The following CMIP variants were observed in gnomAD, a reference collection of about 807,000 sequenced individuals.
CMIP encodes c-Maf inducing protein, also known as C-Maf-inducing protein.
Under a neutral mutation model 97.3 loss-of-function variants are expected in CMIP, and 13 were observed. The ratio of observed to expected loss-of-function variants is 0.13; its 90% CI spans 0.09 to 0.21. The LOEUF (loss-of-function observed/expected upper bound fraction) is 0.21, where lower values mean the gene tolerates loss of function less well. Ranked by LOEUF, CMIP falls within the 10% of genes least tolerant of loss-of-function variation. The probability of loss-of-function intolerance (pLI) is 1.00; values close to 1 mark genes in which losing one functional copy is unlikely to be tolerated. For synonymous variants in CMIP, 538 were observed against 436.3 expected, an observed-to-expected ratio of 1.23 and a Z score of -2.91; for missense variants, 847 against 1,024.9, an observed-to-expected ratio of 0.83 and a Z score of 2.37.
At chr16:81,589,555 A>G (rs2091435324) in intron 1 of CMIP, among the ~76,000 whole-genome samples, 1 of 149,442 alleles carries the variant, frequency 6.7e-6, no homozygotes, top group African/African-American at 2.5e-5. Flanking sequence ...CATGGCAGCC[A>G]GCCTGGCCCA....
chr16:81,478,034 A>AT (rs1908034636), intron 1 of CMIP, among the ~76,000 whole-genome samples: 1 of 152,152 alleles, frequency 6.6e-6, no homozygotes, highest in Non-Finnish European at 1.5e-5. Flanking sequence ...CCACAGCAGG[A>AT]TTTTTATTAT....
chr16:81,471,310 C>G (rs764069157), intron 1 of CMIP, among the ~76,000 whole-genome samples: 5 of 151,988 alleles, frequency 3.3e-5, no homozygotes, highest in Non-Finnish European at 7.4e-5. Context: ...ATAAATGTAC[C>G]CACACGCACA....
chr16:81,603,045 G>A (rs1245310452), intron 1 of CMIP, among the ~76,000 whole-genome samples: 1 of 152,168 alleles, frequency 6.6e-6, no homozygotes, highest in East Asian at 1.9e-4. Context: ...TTCCTGCCCA[G>A]TGATAGCACT....
At chr16:81,446,846 C>G (rs889069484) in intron 1 of CMIP, among the ~76,000 whole-genome samples, 1 of 124,698 alleles carries the variant, frequency 8.0e-6, no homozygotes, top group Admixed American at 9.0e-5. Flanking sequence ...TGAACCAGTC[C>G]CCCACCCCCC....
chr16:81,639,883 T>TA (rs1333853659), intron 3 of CMIP, among the ~76,000 whole-genome samples: 12 of 152,146 alleles, frequency 7.9e-5, no homozygotes, highest in Non-Finnish European at 1.5e-4. Flanking sequence ...CCCTGCCTGA[T>TA]AGAGTCATTT....
intron 5 of CMIP, among the ~76,000 whole-genome samples, chr16:81,658,880 C>T (rs538454882): frequency 1.3e-5 from 2 of 152,214 alleles, no homozygotes; most frequent in Non-Finnish European, 2.9e-5. Context: ...CGAATCAGGG[C>T]CTTGGGGGAC....
chr16:81,554,179 T>C (rs549599179), intron 1 of CMIP, among the ~76,000 whole-genome samples: 17 of 152,332 alleles, frequency 1.1e-4, no homozygotes, highest in African/African-American at 3.8e-4. Flanking sequence ...GCCTGATAAA[T>C]GTATGTTGAG....
intron 7 of CMIP, among the ~76,000 whole-genome samples, chr16:81,669,009 C>G: frequency 6.7e-6 from 1 of 148,738 alleles, no homozygotes; most frequent in South Asian, 2.2e-4. Context: ...CCTTCCACAC[C>G]CACCTCACAC....
chr16:81,691,781 C>T lies in CMIP; in HGVS notation c.1395C>T (p.Asp465=). Residue 465 remains aspartate (D), a synonymous_variant, in exon 11 of 21, where the codon GAC becomes GAT. Coordinates refer to ENST00000537098, the MANE Select transcript of CMIP (RefSeq NM_198390.3). ...TCACCCTCTCTCATTCTAGGTCAGA[C>T]TATGATGACTGGAGACCGTCTCTGG... ...CYVEILKLLS[D]YDDWRPSLAS... The T allele has an allele frequency of 5.6e-6, 9 of 1,613,774 alleles. No individual in the cohort carries two copies. Among genetic ancestry groups the T allele is most frequent in the Non-Finnish European group, 7.6e-6 (9 of 1,179,718 alleles).
intron 3 of CMIP, among the ~76,000 whole-genome samples, chr16:81,634,310 A>G (rs1300387068): frequency 2.6e-5 from 4 of 152,098 alleles, no homozygotes. Flanking sequence ...TGGGTTTTAT[A>G]TCTCCATTGT....
chr16:81,555,486 C>T (rs1405208597), intron 1 of CMIP, among the ~76,000 whole-genome samples: 1 of 152,220 alleles, frequency 6.6e-6, no homozygotes, highest in African/African-American at 2.4e-5. Flanking sequence ...CTACAGGATG[C>T]ACACAGACTC....
At chr16:81,485,867 T>G (rs2089306126) in intron 1 of CMIP, among the ~76,000 whole-genome samples, 1 of 152,212 alleles carries the variant, frequency 6.6e-6, no homozygotes, top group African/African-American at 2.4e-5. Flanking sequence ...TGGCACCACG[T>G]GGCCTGCTTG....
At chr16:81,651,478 G>T in intron 3 of CMIP, 2 of 641,958 alleles carry the variant, frequency 3.1e-6, no homozygotes, top group Non-Finnish European at 3.9e-6. Context: ...GGCAGCGCTG[G>T]ATTTCCCGGG....
intron 1 of CMIP, among the ~76,000 whole-genome samples, chr16:81,474,194 G>C (rs111761972): frequency 6.6e-6 from 1 of 152,082 alleles, no homozygotes; most frequent in African/African-American, 2.4e-5. Context: ...GAGCTTGTGG[G>C]CGTGGACTTT....
At chr16:81,553,361 A>G (rs543763110) in intron 1 of CMIP, among the ~76,000 whole-genome samples, 2 of 152,284 alleles carry the variant, frequency 1.3e-5, no homozygotes, top group Admixed American at 6.5e-5. Flanking sequence ...CGTATTTGCA[A>G]AAGCAACAAA....
In CMIP at chr16:81,693,079, C is replaced by G. The variant is rs993663011; in HGVS notation, c.1455-79C>G. The G allele has an allele frequency of 2.8e-5, 29 of 1,048,760 alleles. No individual in the cohort carries two copies. The Admixed American group carries it at 4.9e-4, about 18-fold the overall frequency. 65.0% of individuals were successfully genotyped at this position (1,048,760 alleles called of 1,614,324 possible). A position where few individuals can be genotyped will look rare whatever the true frequency, so the allele number is the denominator to read the frequency against. ...AATCAGACATAAAGTCTAGACGTCC[C>G]CAGAGGTTAATCTTGGGAACATTGT... is the stretch of plus-strand genomic sequence containing the variant. On this transcript the variant is annotated intron_variant, in intron 11 of 20. Transcript: ENST00000537098.
chr16:81,683,410 T>A (rs1905067822), intron 10 of CMIP, among the ~76,000 whole-genome samples: 1 of 152,214 alleles, frequency 6.6e-6, no homozygotes, highest in Non-Finnish European at 1.5e-5. Flanking sequence ...GTTGTCCTAA[T>A]GACTGGGAGG....
At chr16:81,549,484 C>T (rs533375068) in intron 1 of CMIP, among the ~76,000 whole-genome samples, 12 of 152,188 alleles carry the variant, frequency 7.9e-5, no homozygotes, top group Admixed American at 2.6e-4. Flanking sequence ...GAGTGCTGTA[C>T]GTGCCCCAGG....
intron 3 of CMIP, among the ~76,000 whole-genome samples, chr16:81,644,835 T>A (rs929841789): frequency 1.3e-5 from 2 of 151,990 alleles, no homozygotes. Flanking sequence ...GATGGGGGCT[T>A]GGAGAGGGGG....
Sources: gnomAD v4.1 joint callset for allele counts (sites outside exome capture counted in the v4.1 genomes callset) on GRCh38, gnomAD v4.1.1 for gene constraint, MANE v1.5 for transcripts, NCBI Gene and HGNC (gene_info 2026-07-23, HGNC 2026-07-21) for gene names.